Variants in DMGDH observed in about 807,000 individuals in gnomAD.
The protein encoded by DMGDH is dimethylglycine dehydrogenase, mitochondrial.
A neutral mutation model predicts 95.2 loss-of-function variants in DMGDH; 76 were observed. The observed-to-expected ratio is 0.80, with a 90% CI of 0.66 to 0.97. The LOEUF (loss-of-function observed/expected upper bound fraction) is 0.97. Ranked by LOEUF, DMGDH falls within the 50% of genes least tolerant of loss-of-function variation. DMGDH has a pLI of 0.00. For synonymous variants in DMGDH, 345 were observed against 377.6 expected, an observed-to-expected ratio of 0.91 and a Z score of 1.00; for missense variants, 987 against 1,055.0, an observed-to-expected ratio of 0.94 and a Z score of 0.89.
intron 7 of DMGDH, among the ~76,000 whole-genome samples, chr5:79,038,199 G>A (rs926202710): frequency 6.6e-6 from 1 of 152,138 alleles, no homozygotes; most frequent in Non-Finnish European, 1.5e-5. Flanking sequence ...TTAAGAGAGT[G>A]TCAGCTGGGT....
chr5:79,066,488 G>A (rs1755385905), intron 1 of DMGDH, among the ~76,000 whole-genome samples: 1 of 150,942 alleles, frequency 6.6e-6, no homozygotes, highest in African/African-American at 2.4e-5. Flanking sequence ...TAGAGACGGG[G>A]TTTCTCCATG....
chr5:79,029,741 A>G (rs1316254549), intron 11 of DMGDH, among the ~76,000 whole-genome samples, 163 bp downstream of exon 11: 1 of 152,262 alleles, frequency 6.6e-6, no homozygotes, highest in East Asian at 1.9e-4. Context: ...AGGGGCCCTC[A>G]CTTCAAATAT....
chr5:79,032,891 A>T (rs749010702), intron 8 of DMGDH, 51 bp from the exon 9 acceptor site: 2 of 1,604,526 alleles, frequency 1.2e-6, no homozygotes, highest in East Asian at 4.5e-5. Context: ...AAACAACAAG[A>T]TACTTACATG....
In DMGDH at chr5:79,061,537, G is replaced by A. The variant is rs374928555; in HGVS notation, c.276+2076C>T. 6.4e-4 allele frequency among the ~76,000 whole-genome samples: 97 copies of A among 152,214 alleles called. 1 individual carries two copies. The highest frequency in any genetic ancestry group is 3.7e-3 in the Admixed American group (57 of 15,284). On this transcript the variant is annotated intron_variant, in intron 2 of 15. Transcript: ENST00000255189. ...TGTGTTTAAGAAAAAAATATTTTGC[G>A]TAGTTAACTTTTAGATTAAGGGTAT... is the stretch of plus-strand genomic sequence containing the variant.
chr5:79,009,403 C>CA (rs1753606658), intron 14 of DMGDH, among the ~76,000 whole-genome samples: 1 of 147,204 alleles, frequency 6.8e-6, no homozygotes, highest in Admixed American at 6.8e-5. Flanking sequence ...CTCTGTCACC[C>CA]AGGCTGGAGT....
intron 14 of DMGDH, among the ~76,000 whole-genome samples, chr5:79,023,013 T>C (rs1188877193): frequency 6.6e-6 from 1 of 152,222 alleles, no homozygotes; most frequent in Non-Finnish European, 1.5e-5. Context: ...TGGTACATCA[T>C]AAAAATAAAA....
At chr5:79,055,780 AACAG>A in intron 3 of DMGDH, 26 bp downstream of exon 3, 2 of 1,425,750 alleles carry the variant, frequency 1.4e-6, no homozygotes, top group Non-Finnish European at 2.0e-6. Context: ...AAGCCGACCT[AACAG>A]ACAGTTTCAA....
chr5:78,999,644 G>A (rs1753419468), intron 15 of DMGDH, among the ~76,000 whole-genome samples: 1 of 152,152 alleles, frequency 6.6e-6, no homozygotes, highest in South Asian at 2.1e-4. Flanking sequence ...TTCTCCATAT[G>A]ATTTCTAAAC....
chr5:79,069,566 G>A lies in DMGDH; in HGVS notation c.55C>T (p.Leu19=). 1 of 1,343,974 alleles carries A rather than the reference G, an allele frequency of 7.4e-7. No individual in the cohort carries two copies. The highest frequency in any genetic ancestry group is 2.0e-5 in the South Asian group (1 of 51,116). The allele number at this position is 1,343,974 out of a possible 1,614,324, so 83.3% of individuals were successfully genotyped here. ...CGCGGGCGCCCGGGGGAGCCCTGCA[G>A]CGGGCAGCTCCGCAGCAGGAGGCCC... ...LRGLLLRSCP[L]QGSPGRPRSV... The change falls in exon 1 of 16, where the codon CTG becomes TTG. Residue 19 remains leucine, a synonymous_variant. Coordinates refer to ENST00000255189, the MANE Select transcript of DMGDH (RefSeq NM_013391.3).
At position 79,009,410 on chromosome 5, in the gene DMGDH, G is replaced by A. The variant is rs185492104; in HGVS notation, c.2251-4003C>T. The stretch of plus-strand genomic sequence containing the variant: ...GAATCTCTCTCTGTCACCCAGGCTG[G>A]AGTGCAGTGGTCACAATCTTGGCTC... On this transcript the variant is annotated intron_variant, in intron 14 of 15. Transcript: ENST00000255189. 2.5e-3 allele frequency among the ~76,000 whole-genome samples: 358 copies of A among 145,342 alleles called. 1 individual carries two copies. Among genetic ancestry groups the A allele is most frequent in the Admixed American group, 6.2e-3 (90 of 14,558 alleles).
At chr5:79,015,924 G>T (rs1252387417) in intron 14 of DMGDH, among the ~76,000 whole-genome samples, 3 of 152,148 alleles carry the variant, frequency 2.0e-5, no homozygotes, top group Non-Finnish European at 2.9e-5. Flanking sequence ...AAAATCATTT[G>T]CTAAAAATCC....
chr5:79,068,496 G>T (rs182135036), intron 1 of DMGDH, among the ~76,000 whole-genome samples: 1 of 152,134 alleles, frequency 6.6e-6, no homozygotes. Context: ...AACAGATGGC[G>T]CAGGAACTGT....
intron 1 of DMGDH, among the ~76,000 whole-genome samples, chr5:79,066,230 A>G (rs966258781): frequency 5.3e-5 from 8 of 152,120 alleles, no homozygotes; most frequent in Non-Finnish European, 7.4e-5. Context: ...AACAGTTCCT[A>G]ATACTTCCTT....
At chr5:79,036,819 T>C (rs1754359150) in intron 7 of DMGDH, among the ~76,000 whole-genome samples, 2 of 152,196 alleles carry the variant, frequency 1.3e-5, no homozygotes, top group African/African-American at 4.8e-5. Context: ...ACATCTTTCA[T>C]GGTGCTATGG....
At chr5:79,033,153 G>T in intron 8 of DMGDH, 86 bp downstream of exon 8, 1 of 1,548,788 alleles carries the variant, frequency 6.5e-7, no homozygotes, top group South Asian at 1.1e-5. Context: ...CCATCCCAGT[G>T]AATAGAATAA....
rs529053124 is a variant in DMGDH at position 79,027,354 on chromosome 5, A to G, written c.2033-773T>C. ...TCATTTTTTATTCTAGAATTTGCCAACGTTGGGTGGAAGAAGGGCAGGGAA... is the reference window on the plus strand; with the variant it reads ...TCATTTTTTATTCTAGAATTTGCCAGCGTTGGGTGGAAGAAGGGCAGGGAA... On this transcript the variant is annotated intron_variant, in intron 12 of 15. Coordinates refer to ENST00000255189, the MANE Select transcript of DMGDH (RefSeq NM_013391.3). Among the ~76,000 whole-genome samples, 16 of 152,172 alleles carry G rather than the reference A, an allele frequency of 1.1e-4. No homozygotes were observed. The East Asian group carries it at 2.7e-3, about 26-fold the overall frequency.
At chr5:79,024,397 A>G (rs1463360846) in intron 13 of DMGDH, 67 bp from the exon 14 acceptor site, 1 of 1,423,518 alleles carries the variant, frequency 7.0e-7, no homozygotes, top group Admixed American at 1.7e-5. Flanking sequence ...TCACTTTCAT[A>G]TTTGTTTTTA....
chr5:79,031,514 C>T (rs1424632095), intron 9 of DMGDH, among the ~76,000 whole-genome samples: 2 of 152,216 alleles, frequency 1.3e-5, no homozygotes, highest in Admixed American at 1.3e-4. Flanking sequence ...ACCCCATAGT[C>T]TGCATTCTGC....
intron 14 of DMGDH, among the ~76,000 whole-genome samples, chr5:79,014,100 A>C (rs578192672): frequency 6.6e-6 from 1 of 152,350 alleles, no homozygotes; most frequent in Admixed American, 6.5e-5. Context: ...ATTCCTTCTC[A>C]AAAATGTTTA....
Sources: allele counts gnomAD v4.1 joint callset (sites outside exome capture counted in the v4.1 genomes callset), GRCh38; gene constraint gnomAD v4.1.1; transcripts MANE v1.5; gene names NCBI Gene and HGNC (gene_info 2026-07-23, HGNC 2026-07-21).